ABLIM1: variants seen among roughly 807,000 people sequenced by gnomAD.
ABLIM1 encodes the protein actin-binding LIM protein 1.
In ABLIM1, 40 loss-of-function variants were observed where a neutral mutation model predicts 107.0. That is an observed-to-expected ratio of 0.37 (90% CI 0.29 to 0.49). ABLIM1 has a LOEUF of 0.49. Ranked by LOEUF, ABLIM1 falls within the 20% of genes least tolerant of loss-of-function variation. The pLI, the probability that ABLIM1 is intolerant of heterozygous loss-of-function variation, is 0.97. For synonymous variants in ABLIM1, 357 were observed against 357.3 expected, an observed-to-expected ratio of 1.00 and a Z score of 0.01; for missense variants, 857 against 1,008.5, an observed-to-expected ratio of 0.85 and a Z score of 2.04.
chr10:114,610,280 C>T (rs1355919502), intron 1 of ABLIM1, among the ~76,000 whole-genome samples: 1 of 152,212 alleles, frequency 6.6e-6, no homozygotes, highest in African/African-American at 2.4e-5. Flanking sequence ...CTCTCGGCCA[C>T]CTCCAGCCTG....
At chr10:114,704,275 T>TCG (rs1313655102) in intron 1 of ABLIM1, among the ~76,000 whole-genome samples, 405 of 23,338 alleles carry the variant, frequency 0.017, 5 homozygotes, top group African/African-American at 0.048. Context: ...TCTCTCGCTC[T>TCG]CTCTCTCTCT....
intron 4 of ABLIM1, among the ~76,000 whole-genome samples, chr10:114,548,426 C>T (rs564912651): frequency 1.3e-5 from 2 of 152,144 alleles, no homozygotes; most frequent in East Asian, 3.9e-4. Flanking sequence ...AGTGAGGAAC[C>T]CCAGCTAACT....
intron 13 of ABLIM1, 132 bp from the exon 14 acceptor site, chr10:114,451,803 C>T (rs1199654767): frequency 2.6e-6 from 2 of 779,978 alleles, no homozygotes; most frequent in Admixed American, 5.1e-5. Flanking sequence ...TTCTGTATTA[C>T]AAAGATTGAG....
At chr10:114,716,132 C>T (rs1037849681) in intron 1 of ABLIM1, among the ~76,000 whole-genome samples, 1 of 152,346 alleles carries the variant, frequency 6.6e-6, no homozygotes, top group East Asian at 1.9e-4. Context: ...GAGAAACACA[C>T]TTTCCACCCA....
At chr10:114,526,849 G>A (rs951059531) in intron 6 of ABLIM1, 84 of 985,336 alleles carry the variant, frequency 8.5e-5, no homozygotes, top group Middle Eastern at 5.2e-4. Context: ...AAGGCAACGT[G>A]CATCCCTCTA....
intron 1 of ABLIM1, chr10:114,690,215 C>T (rs2081044513): frequency 2.5e-5 from 36 of 1,436,530 alleles, no homozygotes; most frequent in South Asian, 1.7e-4. Context: ...CAAAGCGCCC[C>T]GTGGCCTCCA....
At chr10:114,481,204 C>A (rs891309997) in intron 8 of ABLIM1, among the ~76,000 whole-genome samples, 1 of 152,024 alleles carries the variant, frequency 6.6e-6, no homozygotes, top group African/African-American at 2.4e-5. Flanking sequence ...TGACATTTTC[C>A]ATTTACTTTC....
At chr10:114,737,112 C>A (rs1179442653) in intron 1 of ABLIM1, among the ~76,000 whole-genome samples, 2 of 152,090 alleles carry the variant, frequency 1.3e-5, no homozygotes, top group Non-Finnish European at 2.9e-5. Context: ...TCACTTGAGG[C>A]CAGGAGTTCA....
At chr10:114,586,001 A>G (rs1392881711) in intron 2 of ABLIM1, among the ~76,000 whole-genome samples, 1 of 152,108 alleles carries the variant, frequency 6.6e-6, no homozygotes, top group Non-Finnish European at 1.5e-5. Flanking sequence ...CCCCTATTTC[A>G]TGCTACTTTA....
intron 1 of ABLIM1, among the ~76,000 whole-genome samples, chr10:114,606,984 C>A (rs1223812947): frequency 1.3e-5 from 2 of 152,220 alleles, no homozygotes; most frequent in African/African-American, 4.8e-5. Context: ...ATCCCCTGTG[C>A]CTCAATCCCT....
At chr10:114,489,515 TAAAC>T (rs1271962953) in intron 7 of ABLIM1, among the ~76,000 whole-genome samples, 1 of 152,012 alleles carries the variant, frequency 6.6e-6, no homozygotes, top group East Asian at 1.9e-4. Context: ...AGGGCCAAAA[TAAAC>T]AAACAAAAAA....
At chr10:114,593,249 A>G (rs190540704) in intron 2 of ABLIM1, among the ~76,000 whole-genome samples, 2 of 152,328 alleles carry the variant, frequency 1.3e-5, no homozygotes, top group Admixed American at 1.3e-4. Context: ...TCCTCAAGAA[A>G]TAAGCATTCA....
At chr10:114,576,048 A>AT (rs1459927831) in intron 2 of ABLIM1, among the ~76,000 whole-genome samples, 3 of 152,134 alleles carry the variant, frequency 2.0e-5, no homozygotes, top group African/African-American at 4.8e-5. Context: ...CGATAGCTGT[A>AT]TTTTTTCACA....
At chr10:114,731,695 C>T (rs573523261) in intron 1 of ABLIM1, among the ~76,000 whole-genome samples, 1 of 152,112 alleles carries the variant, frequency 6.6e-6, no homozygotes, top group Non-Finnish European at 1.5e-5. Flanking sequence ...CTGCAACCTC[C>T]ACCTCCTAGG....
At chr10:114,484,057 A>G (rs1444000015) in intron 8 of ABLIM1, among the ~76,000 whole-genome samples, 1 of 152,128 alleles carries the variant, frequency 6.6e-6, no homozygotes, top group Non-Finnish European at 1.5e-5. Flanking sequence ...CCCCCTGACA[A>G]CAGCCTTAGC....
intron 7 of ABLIM1, 38 bp from the exon 8 acceptor site, chr10:114,488,054 T>C: frequency 1.2e-6 from 2 of 1,608,754 alleles, no homozygotes; most frequent in South Asian, 1.1e-5. Flanking sequence ...GCCAGGAAAA[T>C]GGAAAGATAC....
At chr10:114,461,322 A>G (rs1456541158) in intron 12 of ABLIM1, among the ~76,000 whole-genome samples, 1 of 151,848 alleles carries the variant, frequency 6.6e-6, no homozygotes. Context: ...CCACCTCAGC[A>G]GAAATAACCA....
At chr10:114,698,064 C>T (rs1488664114) in intron 1 of ABLIM1, among the ~76,000 whole-genome samples, 2 of 151,152 alleles carry the variant, frequency 1.3e-5, no homozygotes, top group Non-Finnish European at 2.9e-5. Context: ...TTAACATATA[C>T]CAAAAAAAAG....
Position 114,499,709 on chromosome 10 carries a change from A to C in ABLIM1, c.895-7831T>G, listed in dbSNP as rs187511695. Among the ~76,000 whole-genome samples the C allele has an allele frequency of 9.2e-5, 14 of 152,324 alleles. No individual in the cohort carries two copies. The East Asian group carries it at 2.7e-3, about 29-fold the overall frequency. On this transcript the variant is annotated intron_variant, in intron 6 of 22. Coordinates refer to ENST00000533213, the MANE Select transcript of ABLIM1 (RefSeq NM_002313.7). ...GGGTGGTACCAAAACCACAAACCTG[A>C]GGGTGGATGAAGAGATGAGGAAGCC... is the stretch of plus-strand genomic sequence containing the variant.
Sources: gnomAD v4.1 joint callset for allele counts (sites outside exome capture counted in the v4.1 genomes callset) on GRCh38, gnomAD v4.1.1 for gene constraint, MANE v1.5 for transcripts, NCBI Gene and HGNC (gene_info 2026-07-23, HGNC 2026-07-21) for gene names.